Variants in LRRC1 observed in about 807,000 individuals in gnomAD.
LRRC1 encodes the protein leucine-rich repeat-containing protein 1.
Under a neutral mutation model 69.9 loss-of-function variants are expected in LRRC1, and 28 were observed. The observed-to-expected ratio is 0.40, with a 90% CI of 0.30 to 0.55. The LOEUF (loss-of-function observed/expected upper bound fraction) is 0.55. LRRC1 is among the 20% of genes least tolerant of loss of function. LRRC1 has a pLI of 0.47. For synonymous variants in LRRC1, 236 were observed against 240.2 expected (o/e 0.98, Z 0.16); for missense variants, 498 against 609.0 (o/e 0.82, Z 1.92).
chr6:53,908,603 A>C (rs1485911090), intron 10 of LRRC1, among the ~76,000 whole-genome samples: 2 of 152,200 alleles, frequency 1.3e-5, no homozygotes, highest in Non-Finnish European at 2.9e-5. Context: ...GTAATTCCTA[A>C]ACTTGAAATA....
intron 1 of LRRC1, among the ~76,000 whole-genome samples, chr6:53,840,569 T>C (rs1765749654): frequency 6.6e-6 from 1 of 152,146 alleles, no homozygotes. Context: ...AATTACTTTG[T>C]AGTACCTTGT....
intron 4 of LRRC1, among the ~76,000 whole-genome samples, chr6:53,892,201 A>G (rs1767728629): frequency 6.6e-6 from 1 of 152,060 alleles, no homozygotes; most frequent in Admixed American, 6.6e-5. Flanking sequence ...ATTTTGTGAG[A>G]CCTTGTTCAA....
At chr6:53,822,815 G>A (rs1046206869) in intron 1 of LRRC1, among the ~76,000 whole-genome samples, 1 of 152,152 alleles carries the variant, frequency 6.6e-6, no homozygotes, top group Non-Finnish European at 1.5e-5. Flanking sequence ...CATTGTCTGT[G>A]ACTGTTTATA....
chr6:53,902,042 C>T (rs1375472073), intron 8 of LRRC1, among the ~76,000 whole-genome samples: 2 of 152,180 alleles, frequency 1.3e-5, no homozygotes, highest in East Asian at 3.9e-4. Context: ...TTACTAGTGG[C>T]TAGTGGGGAC....
intron 1 of LRRC1, among the ~76,000 whole-genome samples, chr6:53,834,091 T>C (rs1310979593): frequency 6.6e-6 from 1 of 152,204 alleles, no homozygotes; most frequent in East Asian, 1.9e-4. Context: ...GAGCCTTTTT[T>C]CTTTGTATGC....
intron 1 of LRRC1, among the ~76,000 whole-genome samples, chr6:53,797,005 G>C (rs116234371): frequency 6.6e-6 from 1 of 152,298 alleles, no homozygotes; most frequent in Admixed American, 6.5e-5. Flanking sequence ...TTATTCACTA[G>C]AAATGATTCA....
chr6:53,893,778 T>C (rs1202645279), intron 4 of LRRC1, among the ~76,000 whole-genome samples: 1 of 152,210 alleles, frequency 6.6e-6, no homozygotes, highest in African/African-American at 2.4e-5. Context: ...ACATTTTCTT[T>C]ACTTCCCCCA....
chr6:53,874,201 C>T (rs924281579), intron 2 of LRRC1, among the ~76,000 whole-genome samples: 2 of 152,082 alleles, frequency 1.3e-5, no homozygotes, highest in African/African-American at 2.4e-5. Context: ...CCTTAGTGTC[C>T]ATTTTGTATA....
In LRRC1 at chr6:53,875,599, C is replaced by T. The variant is rs181555020; in HGVS notation, c.278-3394C>T. ...TTATGTTTGTAATCAGGAAAAAAAT[C>T]GTAATTTAAAAGTGCACTACTTTGG... On this transcript the variant is annotated intron_variant, in intron 2 of 13. Transcript: ENST00000370888. Among the ~76,000 whole-genome samples, 20 of 151,848 alleles carry T rather than the reference C, an allele frequency of 1.3e-4. 1 individual carries two copies. The highest frequency in any genetic ancestry group is 4.3e-4 in the African/African-American group (18 of 41,404).
chr6:53,916,246 G>A (rs1466937413), intron 11 of LRRC1, among the ~76,000 whole-genome samples: 1 of 152,182 alleles, frequency 6.6e-6, no homozygotes, highest in Non-Finnish European at 1.5e-5. Context: ...TACTTGCAGT[G>A]TTAGTAGTAC....
chr6:53,900,026 T>TG (rs1562066418), intron 8 of LRRC1, 135 bp downstream of exon 8: 1 of 150,402 alleles, frequency 6.6e-6, no homozygotes, highest in African/African-American at 1.6e-4. Context: ...TACTGTTTTT[T>TG]TTTTTTTTTT....
chr6:53,816,728 C>T (rs938008354), intron 1 of LRRC1, among the ~76,000 whole-genome samples: 5 of 151,998 alleles, frequency 3.3e-5, no homozygotes, highest in African/African-American at 9.7e-5. Context: ...CCATGGAGGG[C>T]AGAGGGAAGG....
At chr6:53,861,917 G>A (rs1766538761) in intron 2 of LRRC1, among the ~76,000 whole-genome samples, 1 of 152,302 alleles carries the variant, frequency 6.6e-6, no homozygotes. Context: ...GTGTTGCTTA[G>A]AAAGGCAGCA....
chr6:53,843,568 A>G (rs1029316280), intron 2 of LRRC1, among the ~76,000 whole-genome samples: 8 of 152,232 alleles, frequency 5.3e-5, no homozygotes, highest in African/African-American at 1.4e-4. Context: ...AAAAAGTAAA[A>G]CAAAACTTTT....
intron 4 of LRRC1, among the ~76,000 whole-genome samples, chr6:53,886,305 C>T (rs1231534562): frequency 6.6e-6 from 1 of 152,044 alleles, no homozygotes; most frequent in Non-Finnish European, 1.5e-5. Flanking sequence ...AACTTCCAAG[C>T]AAAAACCCAA....
At chr6:53,862,770 G>A (rs1766573038) in intron 2 of LRRC1, among the ~76,000 whole-genome samples, 1 of 152,118 alleles carries the variant, frequency 6.6e-6, no homozygotes, top group Admixed American at 6.5e-5. Context: ...CAGTGAGTCT[G>A]TGGTGGTTGG....
At chr6:53,886,627 TATTC>T (rs1341309172) in intron 4 of LRRC1, among the ~76,000 whole-genome samples, 1 of 152,240 alleles carries the variant, frequency 6.6e-6, no homozygotes, top group Non-Finnish European at 1.5e-5. Context: ...CAGTAATTTG[TATTC>T]ATTCATTCAT....
At chr6:53,873,571 C>A (rs868272589) in intron 2 of LRRC1, among the ~76,000 whole-genome samples, 1 of 151,640 alleles carries the variant, frequency 6.6e-6, no homozygotes, top group Admixed American at 6.6e-5. Flanking sequence ...AGCGCTGGGA[C>A]CACAGGCGCG....
At chr6:53,818,892 G>A (rs946553163) in intron 1 of LRRC1, among the ~76,000 whole-genome samples, 11 of 152,242 alleles carry the variant, frequency 7.2e-5, no homozygotes, top group African/African-American at 2.6e-4. Flanking sequence ...CAGAGCATAG[G>A]AACTCATGTA....
Sources: allele counts gnomAD v4.1 joint callset (sites outside exome capture counted in the v4.1 genomes callset), GRCh38; gene constraint gnomAD v4.1.1; transcripts MANE v1.5; gene names NCBI Gene and HGNC (gene_info 2026-07-23, HGNC 2026-07-21).